ZRANB3: variants seen among roughly 807,000 people sequenced by gnomAD.
ZRANB3 encodes the protein DNA annealing helicase and endonuclease ZRANB3.
A neutral mutation model predicts 133.8 loss-of-function variants in ZRANB3; 125 were observed. That is an observed-to-expected ratio of 0.93 (90% CI 0.81 to 1.08). The LOEUF (loss-of-function observed/expected upper bound fraction) is 1.08, where lower values mean the gene tolerates loss of function less well. Ranked by LOEUF, ZRANB3 falls within the 50% of genes least tolerant of loss-of-function variation. ZRANB3 has a pLI of 0.00. For missense variants in ZRANB3, 1,229 were observed against 1,275.5 expected (o/e 0.96, Z 0.56); for synonymous variants, 387 against 432.7 (o/e 0.89, Z 1.31).
intron 1 of ZRANB3, among the ~76,000 whole-genome samples, chr2:135,512,421 CT>C (rs1250135659): frequency 2.6e-5 from 4 of 151,082 alleles, no homozygotes; most frequent in Admixed American, 6.6e-5. Context: ...ACTATATAAA[CT>C]TTGGGGAGAT....
chr2:135,414,017 C>T (rs952152244), intron 2 of ZRANB3, among the ~76,000 whole-genome samples: 2 of 151,806 alleles, frequency 1.3e-5, no homozygotes, highest in African/African-American at 4.8e-5. Flanking sequence ...ATGTAAAGAC[C>T]ATCGAGACTA....
At chr2:135,236,060 T>C (rs896673480) in intron 12 of ZRANB3, among the ~76,000 whole-genome samples, 6 of 152,158 alleles carry the variant, frequency 3.9e-5, no homozygotes, top group African/African-American at 1.4e-4. Context: ...GCCCAAAATC[T>C]CCTTAAGCCG....
chr2:135,203,574 GCA>G (rs1693717814), intron 19 of ZRANB3, among the ~76,000 whole-genome samples: 1 of 136,008 alleles, frequency 7.4e-6, no homozygotes. Flanking sequence ...AGCAGAGATT[GCA>G]CCACTGCACT....
chr2:135,345,756 C>T, intron 5 of ZRANB3, 121 bp from the exon 6 acceptor site: 1 of 654,680 alleles, frequency 1.5e-6, no homozygotes, highest in Non-Finnish European at 2.6e-6. Context: ...GTTTATTCCT[C>T]AAATCCCCTC....
At position 135,197,780 on chromosome 2, in the gene ZRANB3, A is replaced by ATCGTAAGCGT. The variant is rs1693466667; in HGVS notation, c.*2561_*2562insACGCTTACGA. ...TTCATATGGTTCCCTATCGTAAGCG[A>ATCGTAAGCGT]GTTCCTTCGTCACCTACCACTTCCC... is the stretch of plus-strand genomic sequence containing the variant. On this transcript the variant is annotated 3_prime_UTR_variant, in exon 21 of 21. Transcript: ENST00000264159. 1 of 152,172 alleles carries ATCGTAAGCGT rather than the reference A, an allele frequency of 6.6e-6. No individual in the cohort carries two copies. The highest frequency in any genetic ancestry group is 1.5e-5 in the Non-Finnish European group (1 of 68,080). 9.4% of individuals were successfully genotyped at this position (152,172 alleles called of 1,614,324 possible).
intron 3 of ZRANB3, among the ~76,000 whole-genome samples, chr2:135,381,581 T>A (rs1686702067): frequency 6.6e-6 from 1 of 152,254 alleles, no homozygotes; most frequent in Non-Finnish European, 1.5e-5. Context: ...GTAGCCTAAC[T>A]GGGAGGCACC....
At position 135,405,842 on chromosome 2, in the gene ZRANB3, G is replaced by C. The variant is rs897972522; in HGVS notation, c.162-15022C>G. Among the ~76,000 whole-genome samples the C allele has an allele frequency of 4.6e-5, 7 of 152,280 alleles. 1 individual carries two copies. Among genetic ancestry groups the C allele is most frequent in the Admixed American group, 2.0e-4 (3 of 15,286 alleles). On this transcript the variant is annotated intron_variant, in intron 2 of 20. Coordinates refer to ENST00000264159, the MANE Select transcript of ZRANB3 (RefSeq NM_032143.4). ...AGCAGTGTGTAGAGGGAAATTTATA[G>C]TACTAAATGCCCACAAGAGAAAGCA...
intron 4 of ZRANB3, 50 bp downstream of exon 4, chr2:135,353,400 G>A: frequency 1.5e-6 from 2 of 1,332,912 alleles, no homozygotes; most frequent in Non-Finnish European, 2.0e-6. Context: ...TATATACCAG[G>A]TACACACAAG....
At chr2:135,334,696 C>T (rs113051346) in intron 6 of ZRANB3, among the ~76,000 whole-genome samples, 9,309 of 151,904 alleles carry the variant, frequency 0.061, 566 homozygotes, top group African/African-American at 0.16. Context: ...GAGATCGAGA[C>T]CATCCTGGCT....
chr2:135,315,393 C>T lies in ZRANB3; in HGVS notation c.815G>A (p.Arg272His), dbSNP rs372494631. 28 of 1,599,180 alleles carry T rather than the reference C, an allele frequency of 1.8e-5. No individual in the cohort carries two copies. The highest frequency in any genetic ancestry group is 8.1e-5 in the African/African-American group (6 of 74,182). ...TGCTGATGGAAGATCAAATGGAATA[C>T]GCTGTCTGACTTTAGGGGGTAGCTG... ...LTQLPPKVRQ[R>H]IPFDLPSAAA... is the part of the protein sequence containing the mutation. The change falls in exon 7 of 21, where the codon CGT becomes CAT. Residue 272 changes from arginine (R) to histidine (H), a missense_variant. Physicochemically the swap from Arg to His is conservative, Grantham distance 29. Coordinates refer to ENST00000264159, the MANE Select transcript of ZRANB3 (RefSeq NM_032143.4).
At chr2:135,500,381 C>T (rs1692881706) in intron 2 of ZRANB3, among the ~76,000 whole-genome samples, 1 of 152,048 alleles carries the variant, frequency 6.6e-6, no homozygotes, top group African/African-American at 2.4e-5. Context: ...AACCCAAATG[C>T]TCCATAGTAG....
intron 8 of ZRANB3, among the ~76,000 whole-genome samples, chr2:135,294,924 T>A (rs900183809): frequency 2.0e-5 from 3 of 152,232 alleles, no homozygotes; most frequent in African/African-American, 7.2e-5. Flanking sequence ...AGTTTCTTAA[T>A]CCTGAGTTTT....
chr2:135,294,229 C>T (rs1239760228), intron 8 of ZRANB3, among the ~76,000 whole-genome samples: 1 of 152,072 alleles, frequency 6.6e-6, no homozygotes, highest in Non-Finnish European at 1.5e-5. Flanking sequence ...TGGTCCTGGA[C>T]TTTTTTTGGT....
chr2:135,372,576 A>T (rs953024933), intron 3 of ZRANB3, among the ~76,000 whole-genome samples: 1 of 151,972 alleles, frequency 6.6e-6, no homozygotes, highest in Non-Finnish European at 1.5e-5. Context: ...TCATGAGATC[A>T]GGAGATCGAG....
chr2:135,405,008 A>C (rs906131290), intron 2 of ZRANB3, among the ~76,000 whole-genome samples: 1 of 152,232 alleles, frequency 6.6e-6, no homozygotes, highest in Non-Finnish European at 1.5e-5. Flanking sequence ...TGCTCCAATT[A>C]AAAGACACAG....
chr2:135,244,160 C>G (rs1695680632), intron 12 of ZRANB3, among the ~76,000 whole-genome samples: 1 of 150,724 alleles, frequency 6.6e-6, no homozygotes, highest in Non-Finnish European at 1.5e-5. Context: ...GGAATCTTCC[C>G]AACAACAAAA....
intron 8 of ZRANB3, among the ~76,000 whole-genome samples, chr2:135,300,241 A>G (rs1043785950): frequency 2.0e-5 from 3 of 152,238 alleles, no homozygotes; most frequent in African/African-American, 4.8e-5. Context: ...TCATTTTACT[A>G]TAAGTAATAA....
At chr2:135,263,588 A>G (rs1292906737) in intron 12 of ZRANB3, among the ~76,000 whole-genome samples, 1 of 152,180 alleles carries the variant, frequency 6.6e-6, no homozygotes, top group Non-Finnish European at 1.5e-5. Context: ...GAGCAAAAAA[A>G]TTTAGGTGAA....
At position 135,208,923 on chromosome 2, in the gene ZRANB3, C is replaced by G; in HGVS notation, c.2551G>C (p.Gly851Arg). The change falls in exon 18 of 21, where the codon GGG (glycine) becomes CGG (arginine). Residue 851 changes from glycine to arginine, a missense_variant. Gly to Arg is a moderately radical substitution (Grantham distance 125). Transcript: ENST00000264159. ...VASMDKVKNV[G>R]GHVRLITKES... ...TTTGTGATCAGACGGACATGGCCCC[C>G]AACATTCTTCACTTTGTCCATTGAG... The G allele has an allele frequency of 6.2e-7, 1 of 1,613,972 alleles. No homozygotes were observed. The highest frequency in any genetic ancestry group is 8.5e-7 in the Non-Finnish European group (1 of 1,179,870).
Sources: allele counts gnomAD v4.1 joint callset (sites outside exome capture counted in the v4.1 genomes callset), GRCh38; gene constraint gnomAD v4.1.1; transcripts MANE v1.5; gene names NCBI Gene and HGNC (gene_info 2026-07-23, HGNC 2026-07-21).